The following TRIM22 variants were observed in gnomAD, a reference collection of about 807,000 sequenced individuals.
The protein encoded by TRIM22 is E3 ubiquitin-protein ligase TRIM22.
Under a neutral mutation model 53.6 loss-of-function variants are expected in TRIM22, and 45 were observed. That is an observed-to-expected ratio of 0.84 (90% CI 0.66 to 1.08). The LOEUF is 1.08. Ranked by LOEUF, TRIM22 falls within the 50% of genes least tolerant of loss-of-function variation. The pLI, the probability that TRIM22 is intolerant of heterozygous loss-of-function variation, is 0.00. For synonymous variants in TRIM22, 225 were observed against 216.6 expected (o/e 1.04, Z -0.34); for missense variants, 616 against 590.9 (o/e 1.04, Z -0.44).
intron 4 of TRIM22, among the ~76,000 whole-genome samples, chr11:5,706,031 A>T (rs117741494): frequency 0.015 from 2,284 of 152,294 alleles, 32 homozygotes; most frequent in Middle Eastern, 0.048. Flanking sequence ...AATTTTCATC[A>T]TTAGATCCCT....
chr11:5,709,850 T>A lies in TRIM22; in HGVS notation c.*202T>A. The stretch of plus-strand genomic sequence containing the variant: ...TTAAACTGTAATTGTATTGCCGTAC[T>A]GTGGGCTGGAAATCCCAAATCTAGA... On this transcript the variant is annotated 3_prime_UTR_variant, in exon 8 of 8. Transcript: ENST00000379965. The A allele has an allele frequency of 1.8e-6, 1 of 567,644 alleles. No homozygotes were observed. 35.2% of individuals were successfully genotyped at this position (567,644 alleles called of 1,614,324 possible).
At chr11:5,696,814 G>A in intron 2 of TRIM22, 159 bp downstream of exon 2, 1 of 742,116 alleles carries the variant, frequency 1.3e-6, no homozygotes, top group Non-Finnish European at 2.1e-6. Flanking sequence ...GATGCCTGAA[G>A]GACACTGCTG....
At chr11:5,695,216 T>C (rs957149745) in intron 1 of TRIM22, among the ~76,000 whole-genome samples, 2 of 152,172 alleles carry the variant, frequency 1.3e-5, no homozygotes, top group African/African-American at 4.8e-5. Flanking sequence ...TACTGGTGGT[T>C]TTGCTATAAG....
intron 1 of TRIM22, among the ~76,000 whole-genome samples, chr11:5,694,569 G>C (rs1017423930): frequency 1.3e-5 from 2 of 152,194 alleles, no homozygotes; most frequent in Non-Finnish European, 2.9e-5. Context: ...AGAGAACTCT[G>C]AAGGAGGACC....
At chr11:5,693,188 TC>T (rs1554942435) in intron 1 of TRIM22, among the ~76,000 whole-genome samples, 1 of 51,516 alleles carries the variant, frequency 1.9e-5, no homozygotes, top group East Asian at 3.6e-4. Context: ...CGCCTGGCCA[TC>T]TTTTTTTTTT....
At chr11:5,694,540 T>A (rs1489744628) in intron 1 of TRIM22, among the ~76,000 whole-genome samples, 1 of 152,182 alleles carries the variant, frequency 6.6e-6, no homozygotes. Flanking sequence ...GTTGTCTGTA[T>A]AAATCTGTGC....
intron 7 of TRIM22, 131 bp from the exon 8 acceptor site, chr11:5,708,922 A>G: frequency 1.3e-6 from 1 of 742,950 alleles, no homozygotes; most frequent in Non-Finnish European, 2.2e-6. Context: ...TAAGGGTCCT[A>G]CTAACCTCTG....
chr11:5,700,872 G>A (rs928301057), intron 4 of TRIM22, among the ~76,000 whole-genome samples: 2 of 151,874 alleles, frequency 1.3e-5, no homozygotes, highest in African/African-American at 4.8e-5. Flanking sequence ...GCACCCGGCC[G>A]AGAAACTTCC....
rs959110157 is a variant in TRIM22 at position 5,693,580 on chromosome 11, G to A, written c.-66-2587G>A. Among the ~76,000 whole-genome samples, 4 of 151,872 alleles carry A rather than the reference G, an allele frequency of 2.6e-5. No homozygotes were observed. The East Asian group carries it at 5.9e-4, about 22-fold the overall frequency. On this transcript the variant is annotated intron_variant, in intron 1 of 7. Coordinates refer to ENST00000379965, the MANE Select transcript of TRIM22 (RefSeq NM_006074.5). ...CTAAAAAGACACCAAAAAATCACCCGGGTGTGGTGGCGGGCGCCTGTAGTC... is the reference window on the plus strand; with the variant it reads ...CTAAAAAGACACCAAAAAATCACCCAGGTGTGGTGGCGGGCGCCTGTAGTC...
rs758781674 is a variant in TRIM22 at position 5,696,452 on chromosome 11, C to T, written c.220C>T (p.Leu74=). 6.2e-7 allele frequency: 1 copy of T among 1,614,254 alleles called. No individual in the cohort carries two copies. The highest frequency in any genetic ancestry group is 1.1e-5 in the South Asian group (1 of 91,090). The stretch of plus-strand genomic sequence containing the variant: ...TGGGAACCTCCGACCTAATCGGCAT[C>T]TGGCCAACATAGTTGAGAGAGTCAA... ...QPGNLRPNRH[L]ANIVERVKEV... The change falls in exon 2 of 8, where the codon CTG becomes TTG. Residue 74 remains leucine, a synonymous_variant. Coordinates refer to ENST00000379965, the MANE Select transcript of TRIM22 (RefSeq NM_006074.5).
intron 4 of TRIM22, among the ~76,000 whole-genome samples, chr11:5,700,605 T>TTTTTTA (rs369811867): frequency 2.2e-5 from 2 of 92,946 alleles, no homozygotes; most frequent in African/African-American, 8.8e-5. Flanking sequence ...TTTTTTTTTT[T>TTTTTTA]CAGATTTGTA....
intron 1 of TRIM22, among the ~76,000 whole-genome samples, chr11:5,694,053 C>G (rs1310221892): frequency 6.6e-6 from 1 of 152,150 alleles, no homozygotes; most frequent in Non-Finnish European, 1.5e-5. Context: ...TATAAATGTC[C>G]CTTTTTGATA....
At position 5,696,544 on chromosome 11, in the gene TRIM22, C is replaced by T; in HGVS notation, c.312C>T (p.Leu104=). 6.2e-7 allele frequency: 1 copy of T among 1,614,208 alleles called. No homozygotes were observed. Reference sequence around the variant, plus strand: ...TCTGTGAGCACCATGGAAAAAAACTCCAGATCTTCTGTAAGGAGGATGGAA... The same window carrying T: ...TCTGTGAGCACCATGGAAAAAAACTTCAGATCTTCTGTAAGGAGGATGGAA... ...RDVCEHHGKK[L]QIFCKEDGKV... Residue 104 remains leucine (L), a synonymous_variant, in exon 2 of 8, where the codon CTC becomes CTT. Coordinates refer to ENST00000379965, the MANE Select transcript of TRIM22 (RefSeq NM_006074.5).
chr11:5,709,811 C>A lies in TRIM22; in HGVS notation c.*163C>A. 1.5e-6 allele frequency: 1 copy of A among 650,926 alleles called. No individual in the cohort carries two copies. Among genetic ancestry groups the A allele is most frequent in the Non-Finnish European group, 2.6e-6 (1 of 384,040 alleles). 40.3% of individuals were successfully genotyped at this position (650,926 alleles called of 1,614,324 possible). A position where few individuals can be genotyped will look rare whatever the true frequency, so the allele number is the denominator to read the frequency against. On this transcript the variant is annotated 3_prime_UTR_variant, in exon 8 of 8. Coordinates refer to ENST00000379965, the MANE Select transcript of TRIM22 (RefSeq NM_006074.5). ...TGCTAGGGCTTCCATAGCAAAGCAT[C>A]ATAGATTGCTGATTTAAACTGTAAT...
chr11:5,698,545 G>C lies in TRIM22; in HGVS notation c.750G>C (p.Gln250His), dbSNP rs1302197308. 2 of 1,610,024 alleles carry C rather than the reference G, an allele frequency of 1.2e-6. No individual in the cohort carries two copies. Among genetic ancestry groups the C allele is most frequent in the Non-Finnish European group, 1.7e-6 (2 of 1,177,360 alleles). ...GGGGATCGTCAGTAGAGATGCTGCA[G>C]GTAAGACTTGGGATGGAGCACCTAC... ...RLRGSSVEML[Q>H]DVIDVMKRSE... Residue 250 changes from glutamine (Q) to histidine (H), a missense_variant and splice_region_variant, in exon 4 of 8, where the codon CAG (glutamine) becomes CAC (histidine). Gln to His is a conservative substitution (Grantham distance 24, BLOSUM62 0). Transcript: ENST00000379965.
intron 4 of TRIM22, among the ~76,000 whole-genome samples, chr11:5,703,825 G>A (rs1853414903): frequency 6.6e-6 from 1 of 152,114 alleles, no homozygotes; most frequent in Admixed American, 6.6e-5. Context: ...CATTAAAAAT[G>A]GGCAAAAGTC....
At position 5,706,610 on chromosome 11, in the gene TRIM22, T is replaced by C. The variant is rs1308570695; in HGVS notation, c.767T>C (p.Met256Thr). Residue 256 changes from methionine to threonine, a missense_variant, in exon 5 of 8, where the codon ATG (methionine) becomes ACG (threonine). Transcript: ENST00000379965. ...TTTCCCCAGGATGTGATTGACGTCA[T>C]GAAAAGGTATATGTGGAAGAGAGAT... ...VEMLQDVIDV[M>T]KRSESWTLKK... 3.7e-6 allele frequency: 6 copies of C among 1,612,476 alleles called. No individual in the cohort carries two copies. The highest frequency in any genetic ancestry group is 5.1e-6 in the Non-Finnish European group (6 of 1,179,032).
Position 5,696,612 on chromosome 11 carries a change from G to A in TRIM22, c.380G>A (p.Gly127Asp), listed in dbSNP as rs1013008613. 2.2e-5 allele frequency: 36 copies of A among 1,613,536 alleles called. No homozygotes were observed. Among genetic ancestry groups the A allele is most frequent in the Non-Finnish European group, 3.1e-5 (36 of 1,180,016 alleles). ...TGTGAACTGTCTCAGGAACACCAAG[G>A]TCACCAAACATTCCGCATAAACGAG... Reference protein sequence around the residue: ...WVCELSQEHQGHQTFRINEVV... With the variant: ...WVCELSQEHQDHQTFRINEVV... Residue 127 changes from glycine (G) to aspartate (D), a missense_variant, in exon 2 of 8, where the codon GGT becomes GAT. Gly to Asp is a moderately conservative substitution (Grantham distance 94, BLOSUM62 -1). Transcript: ENST00000379965.
In TRIM22 at chr11:5,710,706, T is replaced by C. The variant is rs1425039970; in HGVS notation, c.*1058T>C. 1.3e-5 allele frequency: 2 copies of C among 152,342 alleles called. No individual in the cohort carries two copies. The highest frequency in any genetic ancestry group is 4.8e-5 in the African/African-American group (2 of 41,586). 9.4% of individuals were successfully genotyped at this position (152,342 alleles called of 1,614,324 possible). ...CTGATCACTTTGAGAAACAAACTTT[T>C]ATTAAATGTAAGGCACTTTTCTATG... On this transcript the variant is annotated 3_prime_UTR_variant, in exon 8 of 8. Transcript: ENST00000379965.
Sources: gnomAD v4.1 joint callset for allele counts (sites outside exome capture counted in the v4.1 genomes callset) on GRCh38, gnomAD v4.1.1 for gene constraint, MANE v1.5 for transcripts, NCBI Gene and HGNC (gene_info 2026-07-23, HGNC 2026-07-21) for gene names.